SORCS1: variants seen among roughly 807,000 people sequenced by gnomAD.
The protein encoded by SORCS1 is sortilin related VPS10 domain containing receptor 1.
A neutral mutation model predicts 146.1 loss-of-function variants in SORCS1; 60 were observed. The ratio of observed to expected loss-of-function variants is 0.41; its 90% CI spans 0.33 to 0.51. The LOEUF is 0.51. SORCS1 is among the 20% of genes least tolerant of loss of function. The probability of loss-of-function intolerance (pLI) is 0.21; values close to 1 mark genes in which losing one functional copy is unlikely to be tolerated. For synonymous variants in SORCS1, 637 were observed against 584.0 expected (o/e 1.09, Z -1.31); for missense variants, 1,352 against 1,487.6 (o/e 0.91, Z 1.50).
rs543424692 is a variant in SORCS1 at position 106,617,127 on chromosome 10, A to G, written c.2920+1022T>C. 1.8e-3 allele frequency among the ~76,000 whole-genome samples: 280 copies of G among 151,664 alleles called. 5 individuals are homozygous for G. Among genetic ancestry groups the G allele is most frequent in the African/African-American group, 6.6e-3 (271 of 41,358 alleles). On this transcript the variant is annotated intron_variant, in intron 21 of 25. Transcript: ENST00000263054. Reference sequence around the variant, plus strand: ...GTTCCACCATGCCTGGCTAAATTTTATATTTTTAGTAGAGATGGGGTTTCA... The same window carrying G: ...GTTCCACCATGCCTGGCTAAATTTTGTATTTTTAGTAGAGATGGGGTTTCA...
intron 1 of SORCS1, among the ~76,000 whole-genome samples, chr10:107,141,521 C>A (rs1431692689): frequency 1.3e-5 from 2 of 152,150 alleles, no homozygotes; most frequent in Non-Finnish European, 2.9e-5. Flanking sequence ...GTGCTCAGAT[C>A]ACTGGCTCAA....
chr10:106,661,148 T>C (rs746550676), intron 17 of SORCS1, among the ~76,000 whole-genome samples: 5 of 152,202 alleles, frequency 3.3e-5, no homozygotes, highest in Admixed American at 6.5e-5. Context: ...CTTGTGCTTG[T>C]GGATGTGCAT....
chr10:106,617,877 C>G (rs994567009), intron 21 of SORCS1, among the ~76,000 whole-genome samples: 7 of 152,156 alleles, frequency 4.6e-5, no homozygotes, highest in African/African-American at 1.7e-4. Context: ...AATGAGTTAG[C>G]CTTACACATC....
intron 1 of SORCS1, among the ~76,000 whole-genome samples, chr10:106,978,797 C>CAAA (rs35921955): frequency 1.6e-5 from 2 of 127,408 alleles, no homozygotes; most frequent in Non-Finnish European, 3.3e-5. Flanking sequence ...GACTCCATCT[C>CAAA]AAAAAAAAAA....
At chr10:107,090,611 C>G (rs1964114654) in intron 1 of SORCS1, among the ~76,000 whole-genome samples, 1 of 152,098 alleles carries the variant, frequency 6.6e-6, no homozygotes, top group Non-Finnish European at 1.5e-5. Flanking sequence ...AGATAGATGT[C>G]CCCTATTATT....
rs77913023 is a variant in SORCS1 at position 106,975,500 on chromosome 10, A to T, written c.559-18920T>A. 2.8e-3 allele frequency among the ~76,000 whole-genome samples: 430 copies of T among 152,354 alleles called. 7 individuals carry two copies. In the East Asian group the frequency reaches 0.039, roughly 14 times the overall value. ...CTTGGGAAGAAATGAATCAAGGAAC[A>T]ACTAACTATTGAAGGTTTACTATGT... On this transcript the variant is annotated intron_variant, in intron 1 of 25. Transcript: ENST00000263054.
In SORCS1 at chr10:107,071,313, G is replaced by A. The variant is rs17122033; in HGVS notation, c.558+92656C>T. ...ATCCATCTATATCTCCTTTACTACC[G>A]TAACAGTGTTGAAGCTTTTACGGGC... is the stretch of plus-strand genomic sequence containing the variant. On this transcript the variant is annotated intron_variant, in intron 1 of 25. Coordinates refer to ENST00000263054, the MANE Select transcript of SORCS1 (RefSeq NM_052918.5). Among the ~76,000 whole-genome samples, 881 of 151,896 alleles carry A rather than the reference G, an allele frequency of 5.8e-3. 6 individuals carry two copies. The highest frequency in any genetic ancestry group is 0.02 in the African/African-American group (828 of 41,402).
At chr10:106,990,383 C>T (rs1042801490) in intron 1 of SORCS1, among the ~76,000 whole-genome samples, 1 of 152,188 alleles carries the variant, frequency 6.6e-6, no homozygotes, top group Non-Finnish European at 1.5e-5. Flanking sequence ...GATTCTCCTG[C>T]CTCAGCCTCC....
chr10:106,911,366 G>T (rs1050747144), intron 2 of SORCS1, among the ~76,000 whole-genome samples: 6 of 152,154 alleles, frequency 3.9e-5, no homozygotes, highest in Non-Finnish European at 4.4e-5. Context: ...TAGCAGGGGG[G>T]TCACTGCTGG....
chr10:107,129,337 T>G (rs1966846207), intron 1 of SORCS1, among the ~76,000 whole-genome samples: 1 of 152,200 alleles, frequency 6.6e-6, no homozygotes, highest in Non-Finnish European at 1.5e-5. Context: ...CGAAAGAACA[T>G]AGAATAAATC....
chr10:106,766,262 C>T (rs1364899300), intron 4 of SORCS1, among the ~76,000 whole-genome samples: 1 of 152,156 alleles, frequency 6.6e-6, no homozygotes, highest in Admixed American at 6.5e-5. Flanking sequence ...AAAATCCTGC[C>T]AGTTCTATTT....
chr10:107,118,542 T>G (rs1966193514), intron 1 of SORCS1, among the ~76,000 whole-genome samples: 1 of 152,210 alleles, frequency 6.6e-6, no homozygotes, highest in Non-Finnish European at 1.5e-5. Context: ...TCCTTTGATT[T>G]AAAAATTAAC....
At chr10:107,015,964 C>A (rs11193168) in intron 1 of SORCS1, among the ~76,000 whole-genome samples, 40,772 of 137,796 alleles carry the variant, frequency 0.3, 6,524 homozygotes, top group Admixed American at 0.42. Context: ...ACCACTTATA[C>A]CACAAACCTA....
intron 3 of SORCS1, among the ~76,000 whole-genome samples, chr10:106,783,112 T>A (rs1033197140): frequency 3.4e-4 from 49 of 142,310 alleles, no homozygotes; most frequent in African/African-American, 1.1e-3. Flanking sequence ...TTATAGCTCA[T>A]TAAATCCTTT....
chr10:106,988,838 A>G (rs1294768238), intron 1 of SORCS1, among the ~76,000 whole-genome samples: 2 of 152,156 alleles, frequency 1.3e-5, no homozygotes, highest in Non-Finnish European at 2.9e-5. Flanking sequence ...AAGTCCCATC[A>G]CTTAAAACTA....
intron 1 of SORCS1, among the ~76,000 whole-genome samples, chr10:107,045,839 A>C (rs2134017223): frequency 6.7e-6 from 1 of 149,008 alleles, no homozygotes; most frequent in South Asian, 2.1e-4. Context: ...GCTGGAATAC[A>C]GTGGCATAAC....
At chr10:106,701,441 T>C (rs1235475043) in intron 8 of SORCS1, among the ~76,000 whole-genome samples, 1 of 152,220 alleles carries the variant, frequency 6.6e-6, no homozygotes, top group Non-Finnish European at 1.5e-5. Context: ...ATGACATGTT[T>C]CTGGAATGAC....
At chr10:106,655,144 C>G (rs1426411655) in intron 17 of SORCS1, among the ~76,000 whole-genome samples, 1 of 152,148 alleles carries the variant, frequency 6.6e-6, no homozygotes, top group Admixed American at 6.6e-5. Flanking sequence ...CATGAGCCAC[C>G]ACGCCTGGCC....
intron 23 of SORCS1, among the ~76,000 whole-genome samples, chr10:106,606,300 C>CAT (rs956711662): frequency 1.8e-4 from 10 of 55,804 alleles, no homozygotes; most frequent in Non-Finnish European, 7.2e-4. Context: ...CACACACACA[C>CAT]ACACACACAC....
Sources: gnomAD v4.1 joint callset for allele counts (sites outside exome capture counted in the v4.1 genomes callset) on GRCh38, gnomAD v4.1.1 for gene constraint, MANE v1.5 for transcripts, NCBI Gene and HGNC (gene_info 2026-07-23, HGNC 2026-07-21) for gene names.